The following RASSF5 variants were observed in gnomAD, a reference collection of about 807,000 sequenced individuals.
The protein encoded by RASSF5 is Ras association domain family member 5.
RASSF5 carries 25 observed loss-of-function variants against 40.5 expected under a neutral mutation model. The ratio of observed to expected loss-of-function variants is 0.62; its 90% CI spans 0.45 to 0.86. RASSF5 has a LOEUF of 0.86. Among genes scored for constraint, RASSF5 ranks in the 40% least tolerant of loss-of-function variants. RASSF5 has a pLI of 0.00. For synonymous variants in RASSF5, 246 were observed against 252.4 expected, an observed-to-expected ratio of 0.97 and a Z score of 0.24; for missense variants, 521 against 572.8, an observed-to-expected ratio of 0.91 and a Z score of 0.92.
chr1:206,512,558 T>A (rs1432594257), intron 1 of RASSF5, among the ~76,000 whole-genome samples: 2 of 152,088 alleles, frequency 1.3e-5, no homozygotes, highest in African/African-American at 4.8e-5. Context: ...TGAATTGACA[T>A]CTCCCCGCAG....
At chr1:206,578,873 A>C (rs1668761257) in intron 2 of RASSF5, among the ~76,000 whole-genome samples, 1 of 152,196 alleles carries the variant, frequency 6.6e-6, no homozygotes. Context: ...CATTGATTAG[A>C]GTGCAGAAGT....
chr1:206,518,688 C>G (rs1666826218), intron 1 of RASSF5: 2 of 394,658 alleles, frequency 5.1e-6, no homozygotes, highest in Non-Finnish European at 8.9e-6. Flanking sequence ...CCTCCTGACT[C>G]CGCAAGGACA....
chr1:206,507,573 C>T lies in RASSF5; in HGVS notation c.-30C>T. 2 of 1,459,284 alleles carry T rather than the reference C, an allele frequency of 1.4e-6. No individual in the cohort carries two copies. The highest frequency in any genetic ancestry group is 3.0e-5 in the East Asian group (1 of 33,508). 90.4% of individuals were successfully genotyped at this position (1,459,284 alleles called of 1,614,324 possible). On this transcript the variant is annotated 5_prime_UTR_variant, in exon 1 of 6. Coordinates refer to ENST00000579436, the MANE Select transcript of RASSF5 (RefSeq NM_182663.4). ...GGAGTAGCGCAGTCGCCAAAGCCGC[C>T]GCTGCCAAAGCTGCCGCCACTAGCC...
At chr1:206,537,799 A>G (rs1405943274) in intron 1 of RASSF5, among the ~76,000 whole-genome samples, 1 of 152,176 alleles carries the variant, frequency 6.6e-6, no homozygotes, top group East Asian at 1.9e-4. Flanking sequence ...CCAGGGATTT[A>G]TGGGTGCTGG....
intron 2 of RASSF5, among the ~76,000 whole-genome samples, chr1:206,565,408 G>A (rs1370815451): frequency 2.0e-5 from 3 of 152,200 alleles, no homozygotes; most frequent in Admixed American, 1.3e-4. Context: ...CCGGAGTGAA[G>A]CCCATACTTG....
Position 206,513,275 on chromosome 1 carries a change from C to T in RASSF5, c.457+5216C>T, listed in dbSNP as rs1005883122. ...GCAGCTGCTGGCATTCTTGCTCTGCCCAGGCTTACTATGAAGGCTGCTGAG... is the reference window on the plus strand; with the variant it reads ...GCAGCTGCTGGCATTCTTGCTCTGCTCAGGCTTACTATGAAGGCTGCTGAG... On this transcript the variant is annotated intron_variant, in intron 1 of 5. Coordinates refer to ENST00000579436, the MANE Select transcript of RASSF5 (RefSeq NM_182663.4). The surrounding 1 kb of genome is among the most constrained non-coding windows in gnomAD (Gnocchi z 5.0). Among the ~76,000 whole-genome samples, 1 of 152,232 alleles carries T rather than the reference C, an allele frequency of 6.6e-6. No homozygotes were observed. Among genetic ancestry groups the T allele is most frequent in the Admixed American group, 6.5e-5 (1 of 15,288 alleles).
chr1:206,546,852 A>G (rs185271432), intron 2 of RASSF5, among the ~76,000 whole-genome samples: 1 of 152,236 alleles, frequency 6.6e-6, no homozygotes, highest in Non-Finnish European at 1.5e-5. Flanking sequence ...TCAAATGTGC[A>G]TCTCTTTAGC....
chr1:206,586,095 T>C (rs1349936855), intron 5 of RASSF5: 1 of 152,334 alleles, frequency 6.6e-6, no homozygotes, highest in Non-Finnish European at 1.5e-5. Context: ...CAATGAGCTC[T>C]GTGATTGTGA....
chr1:206,548,653 C>T (rs1667757660), intron 2 of RASSF5, among the ~76,000 whole-genome samples: 1 of 152,118 alleles, frequency 6.6e-6, no homozygotes, highest in South Asian at 2.1e-4. Context: ...CTTTATGTTT[C>T]TTGTACTGGG....
chr1:206,509,684 T>C (rs944250938), intron 1 of RASSF5, among the ~76,000 whole-genome samples: 10 of 152,132 alleles, frequency 6.6e-5, no homozygotes, highest in African/African-American at 2.2e-4. Flanking sequence ...TTTGGGGGAC[T>C]GTATCACTTG....
chr1:206,548,879 GT>G (rs1469923364), intron 2 of RASSF5, among the ~76,000 whole-genome samples: 2 of 151,854 alleles, frequency 1.3e-5, no homozygotes, highest in South Asian at 4.2e-4. Context: ...GTTTTATTTT[GT>G]TTTGAGACAG....
chr1:206,554,982 A>T (rs2103536586), intron 2 of RASSF5, among the ~76,000 whole-genome samples: 1 of 152,286 alleles, frequency 6.6e-6, no homozygotes, highest in East Asian at 1.9e-4. Context: ...AGGCTTTGAA[A>T]GTAATGAGCT....
chr1:206,514,247 C>T (rs962869358), intron 1 of RASSF5, among the ~76,000 whole-genome samples: 2 of 152,222 alleles, frequency 1.3e-5, no homozygotes, highest in Non-Finnish European at 2.9e-5. Context: ...GGGAGAATGC[C>T]CCACTTTGGC....
At chr1:206,532,042 ACT>A (rs1667250070) in intron 1 of RASSF5, among the ~76,000 whole-genome samples, 3 of 138,684 alleles carry the variant, frequency 2.2e-5, no homozygotes, top group Admixed American at 1.5e-4. Context: ...ACAGGGTGAG[ACT>A]CTGTCTCAAA....
At position 206,525,136 on chromosome 1, in the gene RASSF5, G is replaced by A. The variant is rs540890540; in HGVS notation, c.458-13036G>A. 2.6e-5 allele frequency among the ~76,000 whole-genome samples: 4 copies of A among 152,244 alleles called. No homozygotes were observed. The East Asian group carries it at 7.7e-4, about 29-fold the overall frequency. On this transcript the variant is annotated intron_variant, in intron 1 of 5. Coordinates refer to ENST00000579436, the MANE Select transcript of RASSF5 (RefSeq NM_182663.4). ...ACACACCCAGCCTGGCCTGGCCACA[G>A]TACCTTCCTTTTGTTGATGTTTTCA...
At chr1:206,518,463 T>C (rs1451843743) in intron 1 of RASSF5, 1 of 398,554 alleles carries the variant, frequency 2.5e-6, no homozygotes, top group Non-Finnish European at 4.4e-6. Context: ...GCGGCTCTTC[T>C]GCAGGCTCCC....
intron 2 of RASSF5, among the ~76,000 whole-genome samples, chr1:206,570,070 A>C (rs1668398910): frequency 7.1e-6 from 1 of 141,384 alleles, no homozygotes; most frequent in Non-Finnish European, 1.5e-5. Context: ...ACATAACATA[A>C]AATTTACCTT....
At chr1:206,565,085 T>G (rs1468249382) in intron 2 of RASSF5, among the ~76,000 whole-genome samples, 1 of 152,162 alleles carries the variant, frequency 6.6e-6, no homozygotes, top group Non-Finnish European at 1.5e-5. Context: ...ATTTAGTATG[T>G]CCAGAACCAA....
chr1:206,522,324 G>C (rs1389418943), intron 1 of RASSF5, among the ~76,000 whole-genome samples: 1 of 152,168 alleles, frequency 6.6e-6, no homozygotes, highest in African/African-American at 2.4e-5. Context: ...AAAAGGTTTA[G>C]TTCTCTCCCT....
Sources: allele counts gnomAD v4.1 joint callset (sites outside exome capture counted in the v4.1 genomes callset), GRCh38; gene constraint gnomAD v4.1.1; non-coding constraint Gnocchi (gnomAD v3.1); transcripts MANE v1.5; gene names NCBI Gene and HGNC (gene_info 2026-07-23, HGNC 2026-07-21).